Variants in CDH17 observed in about 807,000 individuals in gnomAD.
The protein encoded by CDH17 is cadherin-17.
A neutral mutation model predicts 86.3 loss-of-function variants in CDH17; 67 were observed. The ratio of observed to expected loss-of-function variants is 0.78; its 90% CI spans 0.64 to 0.95. CDH17 has a LOEUF of 0.95. CDH17 is among the 40% of genes least tolerant of loss of function. The pLI, the probability that CDH17 is intolerant of heterozygous loss-of-function variation, is 0.00. For missense variants in CDH17, 993 were observed against 1,017.6 expected (o/e 0.98, Z 0.33); for synonymous variants, 367 against 366.4 (o/e 1.00, Z -0.02).
chr8:94,137,453 G>T (rs554078189), intron 15 of CDH17, among the ~76,000 whole-genome samples: 3 of 152,276 alleles, frequency 2.0e-5, no homozygotes, highest in South Asian at 2.1e-4. Context: ...AGCCAGGCAC[G>T]GGAGAGAATC....
Position 94,183,253 on chromosome 8 carries a change from G to T in CDH17, c.151-5532C>A, listed in dbSNP as rs182974921. Among the ~76,000 whole-genome samples the T allele has an allele frequency of 3.1e-3, 475 of 152,158 alleles. 4 individuals are homozygous for T. Among genetic ancestry groups the T allele is most frequent in the South Asian group, 4.8e-3 (23 of 4,822 alleles). On this transcript the variant is annotated intron_variant, in intron 3 of 17. Coordinates refer to ENST00000027335, the MANE Select transcript of CDH17 (RefSeq NM_004063.4). ...GCCTTGTTTGTAGAATTTCCAGGCT[G>T]ATCCTAAAATTCATATGGAACTACA...
At position 94,165,918 on chromosome 8, in the gene CDH17, A is replaced by C; in HGVS notation, c.1125T>G (p.Ser375Arg). 6.2e-7 allele frequency: 1 copy of C among 1,613,836 alleles called. No individual in the cohort carries two copies. The part of the protein sequence containing the change: ...HDRDEENTAN[S>R]FLNYRIVEQT... ...GCTCCACAATCCTGTAGTTTAGAAA[A>C]CTGTTGGCAGTATTTTCTTCATCCC... The change falls in exon 10 of 18, where the codon AGT (serine) becomes AGG (arginine). Residue 375 changes from serine (S) to arginine (R), a missense_variant. Physicochemically the swap from Ser to Arg is moderately radical, Grantham distance 110. Coordinates refer to ENST00000027335, the MANE Select transcript of CDH17 (RefSeq NM_004063.4).
At chr8:94,200,656 C>T (rs932195061) in intron 1 of CDH17, among the ~76,000 whole-genome samples, 1 of 147,000 alleles carries the variant, frequency 6.8e-6, no homozygotes, top group African/African-American at 2.5e-5. Context: ...CCACCACTTG[C>T]TCAACAGTAG....
intron 3 of CDH17, among the ~76,000 whole-genome samples, chr8:94,179,637 G>A (rs1414507268): frequency 6.6e-6 from 1 of 152,210 alleles, no homozygotes; most frequent in Non-Finnish European, 1.5e-5. Context: ...CATAGTTGAA[G>A]GTTGTGTCCC....
chr8:94,162,198 CT>C, intron 10 of CDH17, 36 bp from the exon 11 acceptor site: 1 of 1,342,446 alleles, frequency 7.4e-7, no homozygotes, highest in Non-Finnish European at 1.1e-6. Context: ...GAAATTTTCA[CT>C]GAAAACCATG....
In CDH17 at chr8:94,140,693, G is replaced by C. The variant is rs187275630; in HGVS notation, c.2167+5235C>G. On this transcript the variant is annotated intron_variant, in intron 15 of 17. Coordinates refer to ENST00000027335, the MANE Select transcript of CDH17 (RefSeq NM_004063.4). ...TTCTAGCCAGATTATCAGGAAAAAA[G>C]ATAATTTGCCAATATCAGAATGAGG... Among the ~76,000 whole-genome samples, 270 of 152,158 alleles carry C rather than the reference G, an allele frequency of 1.8e-3. 1 individual carries two copies. Among genetic ancestry groups the C allele is most frequent in the Non-Finnish European group, 3.0e-3 (207 of 67,984 alleles).
chr8:94,156,717 A>G (rs988867966), intron 12 of CDH17, among the ~76,000 whole-genome samples: 26 of 152,326 alleles, frequency 1.7e-4, no homozygotes, highest in South Asian at 4.1e-4. Flanking sequence ...CTTAGGCAAC[A>G]GGGGAAAGCA....
chr8:94,148,357 C>A (rs1372539987), intron 14 of CDH17, among the ~76,000 whole-genome samples: 1 of 151,976 alleles, frequency 6.6e-6, no homozygotes. Flanking sequence ...GGCTGGCCAA[C>A]ATGGTGAAAC....
At chr8:94,148,936 G>A in intron 13 of CDH17, 62 bp from the exon 14 acceptor site, 1 of 1,466,628 alleles carries the variant, frequency 6.8e-7, no homozygotes. Flanking sequence ...TGTGAAGCTA[G>A]TTTGTGCGTC....
chr8:94,192,141 T>C, intron 2 of CDH17, among the ~76,000 whole-genome samples: 1 of 152,154 alleles, frequency 6.6e-6, no homozygotes, highest in East Asian at 1.9e-4. Context: ...GGTTCCAGGG[T>C]TCAAAGTTGC....
At chr8:94,217,227 G>C (rs932845816) in exon 1 of CDH17, 1 of 152,472 alleles carries the variant, frequency 6.6e-6, no homozygotes, top group African/African-American at 2.4e-5. Flanking sequence ...GACAAGCGGG[G>C]GTGGGGGGAC....
chr8:94,192,400 T>C (rs1813705372), intron 2 of CDH17, among the ~76,000 whole-genome samples: 1 of 152,180 alleles, frequency 6.6e-6, no homozygotes, highest in Non-Finnish European at 1.5e-5. Flanking sequence ...CTTAAAGTCA[T>C]TTTTAGCATC....
rs539296038 is a variant in CDH17, at chr8:94,170,623, A to G, written c.916-76T>C. On this transcript the variant is annotated intron_variant, in intron 8 of 17. Transcript: ENST00000027335. Reference sequence around the variant, plus strand: ...CAAAAGCAGAGAAAATCGTTGTTTCATTTCTATGTCATTTACTCCCTTATT... The same window carrying G: ...CAAAAGCAGAGAAAATCGTTGTTTCGTTTCTATGTCATTTACTCCCTTATT... 365 of 1,510,644 alleles carry G rather than the reference A, an allele frequency of 2.4e-4. 3 individuals carry two copies. In the African/African-American group the frequency reaches 4.4e-3, roughly 18 times the overall value. The allele number at this position is 1,510,644 out of a possible 1,614,324, so 93.6% of individuals were successfully genotyped here. A position where few individuals can be genotyped will look rare whatever the true frequency, so the allele number is the denominator to read the frequency against.
At chr8:94,185,308 CA>C (rs1446787318) in intron 3 of CDH17, among the ~76,000 whole-genome samples, 20 of 144,926 alleles carry the variant, frequency 1.4e-4, no homozygotes, top group African/African-American at 3.5e-4. Context: ...CACACACACA[CA>C]CACACCCCTG....
chr8:94,193,922 C>T (rs1813732791), intron 2 of CDH17, among the ~76,000 whole-genome samples: 1 of 147,590 alleles, frequency 6.8e-6, no homozygotes, highest in African/African-American at 2.5e-5. Flanking sequence ...GTATGAGGAT[C>T]TAGAAGCTTC....
At chr8:94,190,583 G>A (rs1813669707) in intron 2 of CDH17, among the ~76,000 whole-genome samples, 1 of 152,204 alleles carries the variant, frequency 6.6e-6, no homozygotes, top group Non-Finnish European at 1.5e-5. Context: ...AATCAGGGGT[G>A]AAAGAGATTG....
intron 13 of CDH17, 97 bp from the exon 14 acceptor site, chr8:94,148,971 G>A: frequency 1.1e-6 from 1 of 921,370 alleles, no homozygotes; most frequent in South Asian, 1.9e-5. Flanking sequence ...GTGCATCCTT[G>A]AAATATGTTG....
intron 7 of CDH17, 31 bp from the exon 8 acceptor site, chr8:94,171,016 G>GA (rs756860412): frequency 2.7e-5 from 43 of 1,605,220 alleles, no homozygotes; most frequent in Non-Finnish European, 3.1e-5. Context: ...TGTGAGGAAA[G>GA]CTGTATTTGG....
intron 3 of CDH17, among the ~76,000 whole-genome samples, chr8:94,180,481 A>G (rs753929659): frequency 7.9e-5 from 12 of 152,198 alleles, no homozygotes; most frequent in Non-Finnish European, 1.6e-4. Context: ...TAGTCACATC[A>G]TAAACATTTG....
Sources: allele counts gnomAD v4.1 joint callset (sites outside exome capture counted in the v4.1 genomes callset), GRCh38; gene constraint gnomAD v4.1.1; transcripts MANE v1.5; gene names NCBI Gene and HGNC (gene_info 2026-07-23, HGNC 2026-07-21).